The following TICRR variants were observed in gnomAD, a reference collection of about 807,000 sequenced individuals.
TICRR encodes TOPBP1 interacting checkpoint and replication regulator.
A neutral mutation model predicts 178.1 loss-of-function variants in TICRR; 132 were observed. That is an observed-to-expected ratio of 0.74 (90% CI 0.64 to 0.86). The LOEUF (loss-of-function observed/expected upper bound fraction) is 0.86. TICRR is among the 40% of genes least tolerant of loss of function. TICRR has a pLI of 0.00. For synonymous variants in TICRR, 991 were observed against 900.7 expected, an observed-to-expected ratio of 1.10 and a Z score of -1.79; for missense variants, 2,587 against 2,334.3, an observed-to-expected ratio of 1.11 and a Z score of -2.23.
rs771969560 is a variant in TICRR at position 89,579,560 on chromosome 15, C to G, written c.655-3126C>G. On this transcript the variant is annotated intron_variant, in intron 1 of 21. Transcript: ENST00000268138. ...AGGGTTTCACCATGTTTGCTAGGCT[C>G]GTCTCGAACTCCTGGCCTCAAGTGA... is the stretch of plus-strand genomic sequence containing the variant. Among the ~76,000 whole-genome samples the G allele has an allele frequency of 2.0e-5, 3 of 151,768 alleles. No individual in the cohort carries two copies. In the South Asian group the frequency reaches 6.3e-4, roughly 32 times the overall value.
intron 4 of TICRR, chr15:89,591,827 C>A: frequency 2.5e-6 from 1 of 398,434 alleles, no homozygotes; most frequent in Non-Finnish European, 4.5e-6. Context: ...GTAATAAGAA[C>A]AAAAGACTTT....
chr15:89,580,786 C>T (rs532286986), intron 1 of TICRR, among the ~76,000 whole-genome samples: 1 of 152,280 alleles, frequency 6.6e-6, no homozygotes, highest in Admixed American at 6.5e-5. Flanking sequence ...GTAACCCCAG[C>T]TTTGGAAGGC....
intron 13 of TICRR, among the ~76,000 whole-genome samples, chr15:89,604,709 T>C (rs1307226812): frequency 6.9e-6 from 1 of 144,622 alleles, no homozygotes; most frequent in African/African-American, 2.6e-5. Flanking sequence ...AGTTTGAGGC[T>C]GCAATGAACT....
intron 13 of TICRR, among the ~76,000 whole-genome samples, chr15:89,605,690 A>T (rs935405555): frequency 3.8e-4 from 56 of 147,826 alleles, no homozygotes; most frequent in Admixed American, 3.6e-3. Context: ...ATTATAGTTT[A>T]TCTCTTTATA....
rs766566820 is a variant in TICRR at position 89,624,046 on chromosome 15, G to C, written c.3736G>C (p.Asp1246His). 6.2e-7 allele frequency: 1 copy of C among 1,613,642 alleles called. No individual in the cohort carries two copies. The highest frequency in any genetic ancestry group is 2.2e-5 in the East Asian group (1 of 44,846). The change falls in exon 20 of 22, where the codon GAC (aspartate) becomes CAC (histidine). Residue 1246 changes from aspartate (D) to histidine (H), a missense_variant. Asp to His is a moderately conservative substitution (Grantham distance 81). Transcript: ENST00000268138. ...GAGAGAGTGTCTCACTCCCATCAGA[G>C]ACCCTCTCAGAACACCTCCGAGAGC... ...PRRECLTPIR[D>H]PLRTPPRAAA... is the part of the protein sequence containing the mutation.
intron 16 of TICRR, among the ~76,000 whole-genome samples, chr15:89,617,512 C>G (rs1363112783): frequency 6.6e-6 from 1 of 151,914 alleles, no homozygotes; most frequent in African/African-American, 2.4e-5. Context: ...CAAAACAAAA[C>G]CACATTCTAA....
chr15:89,624,057 A>C lies in TICRR; in HGVS notation c.3747A>C (p.Arg1249Ser). ...TCACTCCCATCAGAGACCCTCTCAG[A>C]ACACCTCCGAGAGCAGCAGCCTTCA... is the stretch of plus-strand genomic sequence containing the variant. ...ECLTPIRDPL[R>S]TPPRAAAFMG... Residue 1249 changes from arginine to serine, a missense_variant, in exon 20 of 22, where the codon AGA becomes AGC. By Grantham distance (110) the Arg-to-Ser change is moderately radical. Coordinates refer to ENST00000268138, the MANE Select transcript of TICRR (RefSeq NM_152259.4). The C allele has an allele frequency of 6.2e-7, 1 of 1,613,992 alleles. No homozygotes were observed. The highest frequency in any genetic ancestry group is 2.2e-5 in the East Asian group (1 of 44,868).
Position 89,582,898 on chromosome 15 carries a change from C to T in TICRR, c.867C>T (p.Leu289=), listed in dbSNP as rs749407517. The T allele has an allele frequency of 1.2e-6, 2 of 1,614,098 alleles. No individual in the cohort carries two copies. Among genetic ancestry groups the T allele is most frequent in the Admixed American group, 1.7e-5 (1 of 60,016 alleles). The part of the protein sequence containing the change: ...LPTDATLNRL[L]YNSPEYEASF... ...CTGATGCCACTTTAAACCGTTTGCT[C>T]TACAATTCTCCTGAGTATGAGGCCT... The change falls in exon 2 of 22, where the codon CTC becomes CTT. Residue 289 remains leucine (L), a synonymous_variant. Transcript: ENST00000268138.
chr15:89,626,974 T>TTCCC lies in TICRR; in HGVS notation c.5625_5628dup (p.Thr1877LeufsTer76). ...CTTCTAGATGAGGATGTGGATGTTC[T>TTCCC]TCCCTCCACTGTAGAAGACTCTCCT... On this transcript the variant is annotated frameshift_variant, in exon 22 of 22. Coordinates refer to ENST00000268138, the MANE Select transcript of TICRR (RefSeq NM_152259.4). LOFTEE classifies it low-confidence loss of function (END_TRUNC). 6.2e-7 allele frequency: 1 copy of TTCCC among 1,614,146 alleles called. No individual in the cohort carries two copies. Among genetic ancestry groups the TTCCC allele is most frequent in the Non-Finnish European group, 8.5e-7 (1 of 1,179,998 alleles).
At chr15:89,616,339 G>T in intron 15 of TICRR, 66 bp from the exon 16 acceptor site, 1 of 1,374,964 alleles carries the variant, frequency 7.3e-7, no homozygotes, top group Non-Finnish European at 1.0e-6. Context: ...CTGCTCCCTT[G>T]GCCTTACTGC....
intron 15 of TICRR, among the ~76,000 whole-genome samples, chr15:89,611,184 G>C (rs1963251202): frequency 6.6e-6 from 1 of 151,720 alleles, no homozygotes; most frequent in South Asian, 2.1e-4. Context: ...TTTCTTACAG[G>C]GTAAGTCTAC....
At chr15:89,603,212 G>A (rs1963124193) in intron 13 of TICRR, among the ~76,000 whole-genome samples, 1 of 152,140 alleles carries the variant, frequency 6.6e-6, no homozygotes, top group Admixed American at 6.5e-5. Flanking sequence ...CACTGGAAGA[G>A]AATATACAAT....
chr15:89,604,717 A>G (rs1284638907), intron 13 of TICRR, among the ~76,000 whole-genome samples: 7 of 149,382 alleles, frequency 4.7e-5, no homozygotes, highest in Non-Finnish European at 1.5e-5. Flanking sequence ...GCTGCAATGA[A>G]CTATGATGAA....
chr15:89,596,549 A>G (rs1203929978), intron 7 of TICRR, among the ~76,000 whole-genome samples: 1 of 151,960 alleles, frequency 6.6e-6, no homozygotes, highest in Non-Finnish European at 1.5e-5. Context: ...GTTTTATCAT[A>G]TTGGTCAGGC....
At chr15:89,591,048 A>AT (rs1211303617) in intron 4 of TICRR, among the ~76,000 whole-genome samples, 1 of 151,870 alleles carries the variant, frequency 6.6e-6, no homozygotes, top group Middle Eastern at 3.2e-3. Flanking sequence ...CTTATTTCCA[A>AT]TTTTCCTACT....
At position 89,595,446 on chromosome 15, in the gene TICRR, T is replaced by G. The variant is rs759174255; in HGVS notation, c.1735T>G (p.Leu579Val). The stretch of plus-strand genomic sequence containing the variant: ...GAAGATGAATACCATGTGCCGTTCC[T>G]TAAAGATGTTGAATGTCGCAAGGCT... ...RQKMNTMCRS[L>V]KMLNVARLNV... The change falls in exon 7 of 22, where the codon TTA (leucine) becomes GTA (valine). Residue 579 changes from leucine to valine, a missense_variant. By Grantham distance (32) the Leu-to-Val change is conservative (BLOSUM62 1). Transcript: ENST00000268138. 4 of 1,614,158 alleles carry G rather than the reference T, an allele frequency of 2.5e-6. No individual in the cohort carries two copies. The highest frequency in any genetic ancestry group is 3.4e-6 in the Non-Finnish European group (4 of 1,180,030).
intron 15 of TICRR, among the ~76,000 whole-genome samples, chr15:89,610,814 T>A (rs1238979681): frequency 3.3e-5 from 5 of 152,168 alleles, no homozygotes; most frequent in African/African-American, 9.7e-5. Context: ...TTCCATTCTT[T>A]CTTTTTCTGT....
rs1425108364 is a variant in TICRR, at chr15:89,625,286, C to T, written c.4976C>T (p.Pro1659Leu). Reference sequence around the variant, plus strand: ...CACGGCCCTTCTAGTACCCCCTCTCCATTTCAAACAGATGGGGTTCCTTGG... The same window carrying T: ...CACGGCCCTTCTAGTACCCCCTCTCTATTTCAAACAGATGGGGTTCCTTGG... Reference protein sequence around the residue: ...PTHGPSSTPSPFQTDGVPWTP... With the variant: ...PTHGPSSTPSLFQTDGVPWTP... The change falls in exon 20 of 22, where the codon CCA becomes CTA. Residue 1659 changes from proline to leucine, a missense_variant. Physicochemically the swap from Pro to Leu is moderately conservative, Grantham distance 98 (BLOSUM62 -3). Coordinates refer to ENST00000268138, the MANE Select transcript of TICRR (RefSeq NM_152259.4). The T allele has an allele frequency of 3.7e-6, 6 of 1,613,928 alleles. No individual in the cohort carries two copies. Among genetic ancestry groups the T allele is most frequent in the South Asian group, 3.3e-5 (3 of 91,090 alleles).
chr15:89,576,821 G>GTGTGTATATA (rs1216773233), intron 1 of TICRR, among the ~76,000 whole-genome samples: 4 of 92,438 alleles, frequency 4.3e-5, no homozygotes, highest in African/African-American at 1.6e-4. Context: ...ATGTGTGTGT[G>GTGTGTATATA]TATATATATA....
Sources: allele counts gnomAD v4.1 joint callset (sites outside exome capture counted in the v4.1 genomes callset), GRCh38; gene constraint gnomAD v4.1.1; transcripts MANE v1.5; gene names NCBI Gene and HGNC (gene_info 2026-07-23, HGNC 2026-07-21).